Variants in ZNF350 observed in about 807,000 individuals in gnomAD.
ZNF350 encodes the protein KRAB zinc finger protein ZFQR.
Under a neutral mutation model 13.1 loss-of-function variants are expected in ZNF350, and 5 were observed. That is an observed-to-expected ratio of 0.38 (90% confidence interval 0.20 to 0.80). ZNF350 has a LOEUF of 0.80. Ranked by LOEUF, ZNF350 falls within the 30% of genes least tolerant of loss-of-function variation. ZNF350 has a pLI of 0.43. For synonymous variants in ZNF350, 199 were observed against 224.2 expected (o/e 0.89, Z 1.00); for missense variants, 534 against 644.2 (o/e 0.83, Z 1.85).
intron 4 of ZNF350, 85 bp from the exon 5 acceptor site, chr19:51,966,299 T>A: frequency 7.1e-7 from 1 of 1,417,046 alleles, no homozygotes; most frequent in South Asian, 1.5e-5. Flanking sequence ...TGTTTTTTTT[T>A]TTAAGATGGA....
intron 1 of ZNF350, 100 bp from the exon 2 acceptor site, chr19:51,974,631 T>C: frequency 2.6e-6 from 1 of 377,940 alleles, no homozygotes; most frequent in Non-Finnish European, 4.9e-6. Flanking sequence ...ATGCCCCCAA[T>C]ATAGTTAACT....
At position 51,965,715 on chromosome 19, in the gene ZNF350, C is replaced by G; in HGVS notation, c.738G>C (p.Lys246Asn). 6.2e-7 allele frequency: 1 copy of G among 1,614,144 alleles called. No individual in the cohort carries two copies. Among genetic ancestry groups the G allele is most frequent in the South Asian group, 1.1e-5 (1 of 91,082 alleles). Residue 246 changes from lysine (K) to asparagine (N), a missense_variant, in exon 5 of 5, where the codon AAG (lysine) becomes AAC (asparagine). Physicochemically the swap from Lys to Asn is moderately conservative, Grantham distance 94. Transcript: ENST00000243644. Reference sequence around the variant, plus strand: ...TTCGCTGATGTTCAGTAAGCATGAACTTTCTGGAGAAGGCTTTCTCACATA... The same window carrying G: ...TTCGCTGATGTTCAGTAAGCATGAAGTTTCTGGAGAAGGCTTTCTCACATA... ...CSLCEKAFSR[K>N]FMLTEHQRTH...
Position 51,965,333 on chromosome 19 carries a change from AG to A in ZNF350, c.1119del (p.Phe374LeufsTer100). ...GCTTTCCCACATTCACTACATTCAA[AG>A]GGTTTCTCTCCTGTGTGAATTCTTT... ...KHQRIHTGEK[P>X]FECSECGKAF... On this transcript the variant is annotated frameshift_variant, in exon 5 of 5. Coordinates refer to ENST00000243644, the MANE Select transcript of ZNF350 (RefSeq NM_021632.4). LOFTEE classifies it low-confidence loss of function (END_TRUNC). The A allele has an allele frequency of 6.2e-7, 1 of 1,613,780 alleles. No individual in the cohort carries two copies. Among genetic ancestry groups the A allele is most frequent in the East Asian group, 2.2e-5 (1 of 44,840 alleles).
At chr19:51,980,494 G>C (rs1470868307) in intron 1 of ZNF350, among the ~76,000 whole-genome samples, 1 of 152,190 alleles carries the variant, frequency 6.6e-6, no homozygotes, top group African/African-American at 2.4e-5. Flanking sequence ...AGCTGACCAA[G>C]CGAGGCTACT....
At chr19:51,967,865 A>G (rs1378126853) in intron 4 of ZNF350, among the ~76,000 whole-genome samples, 1 of 152,208 alleles carries the variant, frequency 6.6e-6, no homozygotes, top group Non-Finnish European at 1.5e-5. Context: ...AGATGATTCT[A>G]GTTCCTTGCA....
intron 4 of ZNF350, 60 bp downstream of exon 4, chr19:51,968,518 G>A (rs1368384165): frequency 1.4e-6 from 2 of 1,463,362 alleles, no homozygotes; most frequent in Non-Finnish European, 1.9e-6. Flanking sequence ...CAGCTGTGCT[G>A]CCTTCTCTGA....
At chr19:51,966,264 T>C in intron 4 of ZNF350, 50 bp from the exon 5 acceptor site, 1 of 1,505,966 alleles carries the variant, frequency 6.6e-7, no homozygotes, top group Non-Finnish European at 8.8e-7. Flanking sequence ...GGGGTAAAAG[T>C]TTGTTGTGGT....
At chr19:51,966,276 TTTTTG>T (rs1362242180) in intron 4 of ZNF350, 62 bp from the exon 5 acceptor site, 18 of 1,447,418 alleles carry the variant, frequency 1.2e-5, no homozygotes, top group African/African-American at 1.5e-5. Flanking sequence ...TGTTGTGGTT[TTTTTG>T]TTTTTTTTGT....
intron 4 of ZNF350, chr19:51,967,395 C>T (rs1311834240): frequency 6.6e-6 from 1 of 151,590 alleles, no homozygotes; most frequent in Non-Finnish European, 1.5e-5. Flanking sequence ...CAGAGCAAGA[C>T]TCTGTCTTAA....
In ZNF350 at chr19:51,965,536, A is replaced by G. The variant is rs2085542254; in HGVS notation, c.917T>C (p.Ile306Thr). 1 of 1,614,174 alleles carries G rather than the reference A, an allele frequency of 6.2e-7. No homozygotes were observed. The highest frequency in any genetic ancestry group is 8.5e-7 in the Non-Finnish European group (1 of 1,180,018). ...ACCTGTATGAATTCGCTGGTGTACA[A>G]TGAGATTTCCTTTCTGGATGAAGCC... ...GKGFIQKGNL[I>T]VHQRIHTGEK... The change falls in exon 5 of 5, where the codon ATT becomes ACT. Residue 306 changes from isoleucine to threonine, a missense_variant. Coordinates refer to ENST00000243644, the MANE Select transcript of ZNF350 (RefSeq NM_021632.4).
At position 51,986,774 on chromosome 19, in the gene ZNF350, AT is replaced by A. The variant is rs1351319236; in HGVS notation, c.-177del. On this transcript the variant is annotated 5_prime_UTR_variant, in exon 1 of 5. Coordinates refer to ENST00000243644, the MANE Select transcript of ZNF350 (RefSeq NM_021632.4). ...GGGACAAAACCACACACTGACCTCT[AT>A]TTTCTCCAGATACACAAGAAGGGCC... The A allele has an allele frequency of 6.6e-6, 1 of 152,068 alleles. No homozygotes were observed. The highest frequency in any genetic ancestry group is 1.5e-5 in the Non-Finnish European group (1 of 68,102). 9.4% of individuals were successfully genotyped at this position (152,068 alleles called of 1,614,324 possible). A position where few individuals can be genotyped will look rare whatever the true frequency, so the allele number is the denominator to read the frequency against.
Position 51,966,289 on chromosome 19 carries a change from TG to T in ZNF350, c.239-76del, listed in dbSNP as rs1464890898. On this transcript the variant is annotated intron_variant, in intron 4 of 4. Coordinates refer to ENST00000243644, the MANE Select transcript of ZNF350 (RefSeq NM_021632.4). ...TTTGTTGTGGTTTTTTTGTTTTTTT[TG>T]TTTTTTTTTTTAAGATGGAGTTTTA... 438 of 1,457,466 alleles carry T rather than the reference TG, an allele frequency of 3.0e-4. 2 individuals carry two copies. Among genetic ancestry groups the T allele is most frequent in the African/African-American group, 3.6e-4 (25 of 68,852 alleles). The allele number at this position is 1,457,466 out of a possible 1,614,324, so 90.3% of individuals were successfully genotyped here.
At chr19:51,967,401 C>CT (rs1165106129) in intron 4 of ZNF350, 2 of 150,294 alleles carry the variant, frequency 1.3e-5, no homozygotes, top group East Asian at 2.0e-4. Flanking sequence ...AAGACTCTGT[C>CT]TTAAAAAAAA....
intron 4 of ZNF350, chr19:51,967,503 G>T (rs1424281823): frequency 6.6e-6 from 1 of 152,156 alleles, no homozygotes; most frequent in African/African-American, 2.4e-5. Context: ...ACCAGGCAGG[G>T]TTTAGGAAAG....
Position 51,965,139 on chromosome 19 carries a change from A to G in ZNF350, c.1314T>C (p.Pro438=). The part of the protein sequence containing the change: ...KQEAAKVENP[P]AERHSSLHTS... ...TGTGTAATGAGCTGTGCCTCTCTGC[A>G]GGAGGATTTTCCACCTTGGCTGCCT... The change falls in exon 5 of 5, where the codon CCT becomes CCC. Residue 438 remains proline, a synonymous_variant. Transcript: ENST00000243644. The G allele has an allele frequency of 6.2e-7, 1 of 1,614,204 alleles. No homozygotes were observed. Among genetic ancestry groups the G allele is most frequent in the South Asian group, 1.1e-5 (1 of 91,090 alleles).
chr19:51,966,063 G>C lies in ZNF350; in HGVS notation c.390C>G (p.Asp130Glu). 2 of 1,614,026 alleles carry C rather than the reference G, an allele frequency of 1.2e-6. No individual in the cohort carries two copies. The highest frequency in any genetic ancestry group is 1.7e-6 in the Non-Finnish European group (2 of 1,180,012). Residue 130 changes from aspartate (D) to glutamate (E), a missense_variant, in exon 5 of 5, where the codon GAC becomes GAG. Physicochemically the swap from Asp to Glu is conservative, Grantham distance 45. Coordinates refer to ENST00000243644, the MANE Select transcript of ZNF350 (RefSeq NM_021632.4). ...TGGATTTCAAACTTTTTCCACGTAA[G>C]TCAAATATATCATGATTTTGCCCTA... ...FLLGQNHDIFDLRGKSLKSNL... is the reference protein window; with the variant it reads ...FLLGQNHDIFELRGKSLKSNL...
intron 4 of ZNF350, among the ~76,000 whole-genome samples, chr19:51,967,581 C>G (rs546118727): frequency 7.9e-5 from 12 of 152,144 alleles, no homozygotes; most frequent in African/African-American, 2.6e-4. Context: ...AGAAATTTGA[C>G]AGGTAACATG....
rs563445736 is a variant in ZNF350, at chr19:51,975,753, A to T, written c.-171-1222T>A. On this transcript the variant is annotated intron_variant, in intron 1 of 4. Coordinates refer to ENST00000243644, the MANE Select transcript of ZNF350 (RefSeq NM_021632.4). ...CTGGGGTTTATTTTATTTTATTTTAATTTTTGAGATGGAGTCTCACTCTGT... is the reference window on the plus strand; with the variant it reads ...CTGGGGTTTATTTTATTTTATTTTATTTTTTGAGATGGAGTCTCACTCTGT... Among the ~76,000 whole-genome samples the T allele has an allele frequency of 1.1e-4, 16 of 152,290 alleles. No individual in the cohort carries two copies. In the East Asian group the frequency reaches 1.7e-3, roughly 17 times the overall value.
chr19:51,977,041 C>A (rs1178484978), intron 1 of ZNF350, among the ~76,000 whole-genome samples: 2 of 152,170 alleles, frequency 1.3e-5, no homozygotes, highest in African/African-American at 4.8e-5. Context: ...TAAAAATTGG[C>A]CTATACTGCC....
Sources: allele counts gnomAD v4.1 joint callset (sites outside exome capture counted in the v4.1 genomes callset), GRCh38; gene constraint gnomAD v4.1.1; transcripts MANE v1.5; gene names NCBI Gene and HGNC (gene_info 2026-07-23, HGNC 2026-07-21).